The following STAC2 variants were observed in gnomAD, a reference collection of about 807,000 sequenced individuals.
STAC2 encodes SH3 and cysteine rich domain 2, also known as SH3 and cysteine-rich domain-containing protein 2.
A neutral mutation model predicts 49.0 loss-of-function variants in STAC2; 36 were observed. The observed-to-expected ratio is 0.74, with a 90% CI of 0.56 to 0.97. STAC2 has a LOEUF of 0.97. STAC2 is among the 50% of genes least tolerant of loss of function. STAC2 has a pLI of 0.00. For synonymous variants in STAC2, 239 were observed against 214.7 expected (o/e 1.11, Z -0.99); for missense variants, 527 against 543.8 (o/e 0.97, Z 0.31).
intron 1 of STAC2, among the ~76,000 whole-genome samples, chr17:39,222,511 G>A (rs1054164732): frequency 6.6e-6 from 1 of 152,202 alleles, no homozygotes; most frequent in Non-Finnish European, 1.5e-5. Context: ...CAGAGACATC[G>A]GGCTTGGCTA....
chr17:39,213,137 G>A lies in STAC2; in HGVS notation c.994-5C>T, dbSNP rs1326667632. The A allele has an allele frequency of 1.9e-6, 3 of 1,605,386 alleles. No homozygotes were observed. In the South Asian group the frequency reaches 3.3e-5, roughly 18 times the overall value. ...AACCCGGTCGCCGATCTTGCCCTGG[G>A]GATGAGGTTGGCAATGAACACCCGC... On this transcript the variant is annotated splice_region_variant and splice_polypyrimidine_tract_variant and intron_variant, in intron 9 of 10. Coordinates refer to ENST00000333461, the MANE Select transcript of STAC2 (RefSeq NM_198993.5).
At chr17:39,216,778 G>C in intron 4 of STAC2, 32 bp downstream of exon 4, 1 of 1,549,178 alleles carries the variant, frequency 6.5e-7, no homozygotes. Flanking sequence ...ACCACAATGG[G>C]AGCAGGGACT....
chr17:39,217,053 T>C (rs2046410975), intron 3 of STAC2, 23 bp downstream of exon 3: 1 of 1,613,332 alleles, frequency 6.2e-7, no homozygotes, highest in Admixed American at 1.7e-5. Context: ...CAGCTGGCCA[T>C]CTCTGCCTGG....
At chr17:39,217,758 TG>T (rs1172508836) in intron 2 of STAC2, 108 bp downstream of exon 2, 27 of 1,129,026 alleles carry the variant, frequency 2.4e-5, no homozygotes, top group Middle Eastern at 3.0e-4. Flanking sequence ...CAATTAGTAT[TG>T]GGGCTCCTGA....
At chr17:39,219,097 G>A (rs985219379) in intron 1 of STAC2, among the ~76,000 whole-genome samples, 2 of 152,148 alleles carry the variant, frequency 1.3e-5, no homozygotes, top group African/African-American at 2.4e-5. Context: ...TACAGCTGTT[G>A]CGGGGGTGAT....
At chr17:39,213,672 CTTTTT>C in intron 8 of STAC2, 114 bp from the exon 9 acceptor site, 40 of 373,450 alleles carry the variant, frequency 1.1e-4, no homozygotes, top group East Asian at 2.2e-4. Flanking sequence ...AGAGACGATT[CTTTTT>C]TTTTTTTTTT....
chr17:39,221,561 C>G (rs146010434), intron 1 of STAC2, among the ~76,000 whole-genome samples: 3 of 152,350 alleles, frequency 2.0e-5, no homozygotes, highest in African/African-American at 4.8e-5. Context: ...GTGATAATTA[C>G]TGTCCCACTT....
chr17:39,215,059 G>GC (rs2046389885), intron 5 of STAC2, 36 bp from the exon 6 acceptor site: 5 of 1,613,962 alleles, frequency 3.1e-6, no homozygotes. Flanking sequence ...CAGCCCCCGA[G>GC]CCCACTGTCA....
rs566625152 is a variant in STAC2, at chr17:39,222,977, A to G, written c.90+2436T>C. Reference sequence around the variant, plus strand: ...CTCCCAGGGGTGGCAACAAAGGGTGATGGGCAGGCCTTATGTGATAAGAAG... The same window carrying G: ...CTCCCAGGGGTGGCAACAAAGGGTGGTGGGCAGGCCTTATGTGATAAGAAG... On this transcript the variant is annotated intron_variant, in intron 1 of 10. Transcript: ENST00000333461. Among the ~76,000 whole-genome samples, 6 of 152,264 alleles carry G rather than the reference A, an allele frequency of 3.9e-5. No individual in the cohort carries two copies. In the East Asian group the frequency reaches 1.2e-3, roughly 29 times the overall value.
At chr17:39,218,205 G>C in intron 1 of STAC2, 32 bp from the exon 2 acceptor site, 1 of 1,611,888 alleles carries the variant, frequency 6.2e-7, no homozygotes, top group Non-Finnish European at 8.5e-7. Flanking sequence ...GTGAGTGGGA[G>C]CCTAGAGGGG....
intron 1 of STAC2, among the ~76,000 whole-genome samples, chr17:39,221,832 A>G (rs981976790): frequency 6.6e-6 from 1 of 152,072 alleles, no homozygotes; most frequent in African/African-American, 2.4e-5. Context: ...GCTTGTCCAC[A>G]AGGTCAATCA....
chr17:39,214,087 T>A, intron 8 of STAC2, 146 bp downstream of exon 8: 1 of 873,360 alleles, frequency 1.1e-6, no homozygotes, highest in Non-Finnish European at 1.8e-6. Flanking sequence ...CATGAGTCAC[T>A]CTTAGACCCT....
chr17:39,219,029 C>A (rs1421453673), intron 1 of STAC2, among the ~76,000 whole-genome samples: 1 of 152,130 alleles, frequency 6.6e-6, no homozygotes, highest in Non-Finnish European at 1.5e-5. Flanking sequence ...CCCTGATGCC[C>A]CAGTCTGCTT....
In STAC2 at chr17:39,225,449, G is replaced by C. The variant is rs201263747; in HGVS notation, c.54C>G (p.Ser18Arg). 6.2e-7 allele frequency: 1 copy of C among 1,609,488 alleles called. No individual in the cohort carries two copies. The highest frequency in any genetic ancestry group is 2.3e-5 in the East Asian group (1 of 44,442). Reference protein sequence around the residue: ...ENEPDDAATHSPPGTVSALQE... With the variant: ...ENEPDDAATHRPPGTVSALQE... The stretch of plus-strand genomic sequence containing the variant: ...GGAGGGCGGAGACGGTCCCTGGGGG[G>C]CTGTGGGTGGCCGCGTCATCCGGTT... Residue 18 changes from serine (S) to arginine (R), a missense_variant, in exon 1 of 11, where the codon AGC becomes AGG. Coordinates refer to ENST00000333461, the MANE Select transcript of STAC2 (RefSeq NM_198993.5). The surrounding 1 kb of genome is among the most constrained non-coding windows in gnomAD (Gnocchi z 8.2).
rs58545654 is a variant in STAC2 at position 39,213,451 on chromosome 17, T to G, written c.993+56A>C. On this transcript the variant is annotated intron_variant, in intron 9 of 10. Transcript: ENST00000333461. ...AGGTGGGGGCAGTGCCCATTGGGGG[T>G]GGGGGCTGCTGGGGTGCCTACCAGT... 1,424 of 1,601,308 alleles carry G rather than the reference T, an allele frequency of 8.9e-4. 8 individuals are homozygous for G. The African/African-American group carries it at 0.017, about 19-fold the overall frequency.
Position 39,216,885 on chromosome 17 carries a change from G to A in STAC2, c.511C>T (p.Arg171Cys), listed in dbSNP as rs368038617. ...CPGKTSTSFR[R>C]NFSSPLLVHE... is the part of the protein sequence containing the mutation. ...ACCAGGAGAGGGGAACTGAAGTTGC[G>A]GCGGAAGGAGGTGGACTATGGCAAG... The change falls in exon 4 of 11, where the codon CGC (arginine) becomes TGC (cysteine). Residue 171 changes from arginine (R) to cysteine (C), a missense_variant. Arg to Cys is a radical substitution (Grantham distance 180). Transcript: ENST00000333461. The A allele has an allele frequency of 2.1e-5, 34 of 1,601,706 alleles. No homozygotes were observed. Among genetic ancestry groups the A allele is most frequent in the Admixed American group, 3.5e-5 (2 of 57,808 alleles).
chr17:39,214,756 C>A (rs957238873), intron 7 of STAC2, 35 bp downstream of exon 7: 2 of 1,610,656 alleles, frequency 1.2e-6, no homozygotes, highest in East Asian at 2.2e-5. Flanking sequence ...CGCTTCCCAC[C>A]CTGACCTTCC....
intron 1 of STAC2, among the ~76,000 whole-genome samples, chr17:39,219,163 G>C (rs1235204034): frequency 6.6e-6 from 1 of 151,988 alleles, no homozygotes; most frequent in Admixed American, 6.6e-5. Context: ...CAAGGCTCTC[G>C]CCCCAGCCAC....
At position 39,225,682 on chromosome 17, in the gene STAC2, G is replaced by A. The variant is rs955817198; in HGVS notation, c.-180C>T. On this transcript the variant is annotated 5_prime_UTR_variant, in exon 1 of 11. Coordinates refer to ENST00000333461, the MANE Select transcript of STAC2 (RefSeq NM_198993.5). This position sits in a 1 kb window ranked among gnomAD's most constrained non-coding sequence, Gnocchi z 8.2. ...GGGCAGAGAAAGTTGCCGGGGTGGCGGGCGAGGGGAGGCCACCACGCTGAG... is the reference window on the plus strand; with the variant it reads ...GGGCAGAGAAAGTTGCCGGGGTGGCAGGCGAGGGGAGGCCACCACGCTGAG... The A allele has an allele frequency of 2.6e-5, 17 of 650,906 alleles. No homozygotes were observed. The African/African-American group carries it at 2.6e-4, about 10-fold the overall frequency. The allele number at this position is 650,906 out of a possible 1,614,324, so 40.3% of individuals were successfully genotyped here. A position where few individuals can be genotyped will look rare whatever the true frequency, so the allele number is the denominator to read the frequency against.
Sources: gnomAD v4.1 joint callset for allele counts (sites outside exome capture counted in the v4.1 genomes callset) on GRCh38, gnomAD v4.1.1 for gene constraint, Gnocchi (gnomAD v3.1) non-coding constraint, MANE v1.5 for transcripts, NCBI Gene and HGNC (gene_info 2026-07-23, HGNC 2026-07-21) for gene names.